RAP1GAP2: variants seen among roughly 807,000 people sequenced by gnomAD.
The protein encoded by RAP1GAP2 is RAP1 GTPase activating protein 2.
In RAP1GAP2, 27 loss-of-function variants were observed where a neutral mutation model predicts 95.0. The observed-to-expected ratio is 0.28, with a 90% CI of 0.21 to 0.39. The LOEUF (loss-of-function observed/expected upper bound fraction) is 0.39, where lower values mean the gene tolerates loss of function less well. Among genes scored for constraint, RAP1GAP2 ranks in the 10% least tolerant of loss-of-function variants. RAP1GAP2 has a pLI of 1.00. For missense variants in RAP1GAP2, 771 were observed against 970.0 expected (o/e 0.79, Z 2.72); for synonymous variants, 373 against 380.9 (o/e 0.98, Z 0.24).
intron 3 of RAP1GAP2, among the ~76,000 whole-genome samples, chr17:2,934,139 CT>C (rs955281766): frequency 2.7e-5 from 4 of 150,294 alleles, no homozygotes; most frequent in Admixed American, 6.6e-5. Flanking sequence ...TTACAAAGCA[CT>C]TTTTTTTTTG....
intron 19 of RAP1GAP2, among the ~76,000 whole-genome samples, chr17:3,022,271 T>G (rs80204831): frequency 0.013 from 1,997 of 152,272 alleles, 34 homozygotes; most frequent in African/African-American, 0.044. Context: ...TAATAACAGA[T>G]GTCAGGATAT....
At chr17:2,790,339 C>T (rs552868671) in intron 1 of RAP1GAP2, among the ~76,000 whole-genome samples, 4 of 152,234 alleles carry the variant, frequency 2.6e-5, no homozygotes, top group Admixed American at 2.0e-4. Context: ...CTCAAACTCC[C>T]GACCTCAGGT....
chr17:2,914,409 C>G (rs1380598675), intron 3 of RAP1GAP2, among the ~76,000 whole-genome samples: 1 of 152,134 alleles, frequency 6.6e-6, no homozygotes, highest in Admixed American at 6.6e-5. Context: ...TCTTATAGTT[C>G]TTTTTTCCCT....
intron 1 of RAP1GAP2, among the ~76,000 whole-genome samples, chr17:2,759,531 A>G (rs1383142205): frequency 6.6e-6 from 1 of 151,936 alleles, no homozygotes; most frequent in African/African-American, 2.4e-5. Context: ...GCTCACTGCA[A>G]CCTCCGCCTC....
At chr17:2,813,241 G>T (rs11653761) in intron 2 of RAP1GAP2, among the ~76,000 whole-genome samples, 92,349 of 151,576 alleles carry the variant, frequency 0.61, 28,565 homozygotes, top group African/African-American at 0.69. Context: ...CCCAGATAAT[G>T]TTTTGTATCT....
At chr17:2,939,876 G>A (rs1660577350) in intron 3 of RAP1GAP2, among the ~76,000 whole-genome samples, 1 of 152,254 alleles carries the variant, frequency 6.6e-6, no homozygotes, top group Admixed American at 6.5e-5. Flanking sequence ...ACAGGTCAAA[G>A]GTCAGCGCTA....
rs1403741984 is a variant in RAP1GAP2 at position 2,867,921 on chromosome 17, A to AGC, written c.81-37363_81-37362insGC. The stretch of plus-strand genomic sequence containing the variant: ...ATGAGGTGTGCTTTCTTCTTCACGG[A>AGC]TGCAGCTCGCGGGATCCCCAAGCCT... On this transcript the variant is annotated intron_variant, in intron 2 of 24. Coordinates refer to ENST00000254695, the MANE Select transcript of RAP1GAP2 (RefSeq NM_015085.5). This position sits in a 1 kb window ranked among gnomAD's most constrained non-coding sequence, Gnocchi z 4.5. Among the ~76,000 whole-genome samples the AGC allele has an allele frequency of 6.6e-6, 1 of 152,074 alleles. No homozygotes were observed. The highest frequency in any genetic ancestry group is 6.6e-5 in the Admixed American group (1 of 15,260).
chr17:2,877,333 A>C (rs906063430), intron 2 of RAP1GAP2, among the ~76,000 whole-genome samples: 3 of 152,166 alleles, frequency 2.0e-5, no homozygotes, highest in African/African-American at 7.2e-5. Flanking sequence ...TGGATTATTG[A>C]GGAACCTTTC....
At chr17:2,957,608 A>G in intron 3 of RAP1GAP2, 151 bp from the exon 4 acceptor site, 1 of 937,384 alleles carries the variant, frequency 1.1e-6, no homozygotes, top group Non-Finnish European at 1.6e-6. Context: ...CTGCAAAGGC[A>G]AAATCAAATT....
At position 3,034,370 on chromosome 17, in the gene RAP1GAP2, A is replaced by G; in HGVS notation, c.*1009A>G. ...ATGGGGGTTCAAGGAAGACGTCGTT[A>G]TCTCCCCTCCCCACTTACTCGAGGA... On this transcript the variant is annotated 3_prime_UTR_variant, in exon 25 of 25. Transcript: ENST00000254695. This position sits in a 1 kb window ranked among gnomAD's most constrained non-coding sequence, Gnocchi z 5.1. 2 of 242,820 alleles carry G rather than the reference A, an allele frequency of 8.2e-6. No individual in the cohort carries two copies. Among genetic ancestry groups the G allele is most frequent in the South Asian group, 7.0e-5 (2 of 28,374 alleles). 15.0% of individuals were successfully genotyped at this position (242,820 alleles called of 1,614,324 possible).
intron 2 of RAP1GAP2, among the ~76,000 whole-genome samples, chr17:2,823,550 G>A (rs938578135): frequency 6.6e-6 from 1 of 152,150 alleles, no homozygotes; most frequent in Non-Finnish European, 1.5e-5. Flanking sequence ...AGTGGAGGTG[G>A]TCCTGGACGC....
chr17:2,800,372 C>CG, intron 1 of RAP1GAP2, 143 bp from the exon 2 acceptor site: 1 of 1,273,762 alleles, frequency 7.9e-7, no homozygotes, highest in South Asian at 1.3e-5. Context: ...CCCCTGCTAG[C>CG]GGAGAACTGG....
intron 18 of RAP1GAP2, 106 bp downstream of exon 18, chr17:3,018,304 A>G: frequency 3.6e-6 from 5 of 1,392,890 alleles, no homozygotes; most frequent in Non-Finnish European, 3.8e-6. Context: ...TGACTTGATC[A>G]GGGCAAGCTG....
chr17:2,873,559 A>C (rs918193721), intron 2 of RAP1GAP2, among the ~76,000 whole-genome samples: 1 of 146,986 alleles, frequency 6.8e-6, no homozygotes, highest in African/African-American at 2.5e-5. Flanking sequence ...CACAGGCTGA[A>C]TAAGTGGACA....
chr17:2,830,655 A>G (rs974291223), intron 2 of RAP1GAP2, among the ~76,000 whole-genome samples: 4 of 151,762 alleles, frequency 2.6e-5, no homozygotes, highest in Non-Finnish European at 5.9e-5. Flanking sequence ...CGGAAGTTGC[A>G]GTGAGCCGAG....
intron 2 of RAP1GAP2, among the ~76,000 whole-genome samples, chr17:2,874,416 C>T (rs35668034): frequency 0.15 from 23,110 of 152,176 alleles, 2,336 homozygotes; most frequent in Middle Eastern, 0.23. Context: ...TTTAGGTCCT[C>T]CTCACCTGAG....
intron 2 of RAP1GAP2, among the ~76,000 whole-genome samples, chr17:2,868,358 G>A (rs1011185024): frequency 1.3e-5 from 2 of 152,158 alleles, no homozygotes; most frequent in Non-Finnish European, 2.9e-5. Context: ...CAGAGGAGCG[G>A]CCTCAGGAAA....
chr17:2,884,273 C>G lies in RAP1GAP2; in HGVS notation c.81-21011C>G, dbSNP rs2073404704. Among the ~76,000 whole-genome samples the G allele has an allele frequency of 2.0e-5, 3 of 152,074 alleles. No individual in the cohort carries two copies. The South Asian group carries it at 6.2e-4, about 32-fold the overall frequency. ...TGGGGTGCAGTGGGGCTGCAGTGGC[C>G]CTTTCATTCATTCTTTGCTTCTTCA... On this transcript the variant is annotated intron_variant, in intron 2 of 24. Transcript: ENST00000254695.
At chr17:2,920,532 C>G in intron 3 of RAP1GAP2, among the ~76,000 whole-genome samples, 1 of 152,232 alleles carries the variant, frequency 6.6e-6, no homozygotes, top group South Asian at 2.1e-4. Context: ...TTGCCTCTTC[C>G]TGGGATTTAG....
Sources: allele counts gnomAD v4.1 joint callset (sites outside exome capture counted in the v4.1 genomes callset), GRCh38; gene constraint gnomAD v4.1.1; non-coding constraint Gnocchi (gnomAD v3.1); transcripts MANE v1.5; gene names NCBI Gene and HGNC (gene_info 2026-07-23, HGNC 2026-07-21).